Variants in TMPRSS2 observed in about 807,000 individuals in gnomAD.
TMPRSS2 encodes the protein transmembrane serine protease 2.
In TMPRSS2, 59 loss-of-function variants were observed where a neutral mutation model predicts 67.4. The ratio of observed to expected loss-of-function variants is 0.88; its 90% CI spans 0.71 to 1.09. The LOEUF is 1.09. TMPRSS2 is among the 50% of genes least tolerant of loss of function. The pLI, the probability that TMPRSS2 is intolerant of heterozygous loss-of-function variation, is 0.00. For synonymous variants in TMPRSS2, 257 were observed against 257.0 expected (o/e 1.00, Z 0.00); for missense variants, 668 against 642.7 (o/e 1.04, Z -0.43).
intron 11 of TMPRSS2, among the ~76,000 whole-genome samples, chr21:41,469,205 A>C (rs2091110507): frequency 6.6e-6 from 1 of 152,080 alleles, no homozygotes. Flanking sequence ...CAGAGTGGAA[A>C]GCCATCGTCC....
intron 7 of TMPRSS2, among the ~76,000 whole-genome samples, chr21:41,477,466 G>GA (rs1335042820): frequency 1.3e-5 from 2 of 151,714 alleles, no homozygotes; most frequent in African/African-American, 4.8e-5. Flanking sequence ...CCTCCTCCTA[G>GA]AAAAAAAATA....
intron 1 of TMPRSS2, chr21:41,507,850 C>T (rs2146520557): frequency 1.5e-6 from 2 of 1,339,370 alleles, no homozygotes; most frequent in Non-Finnish European, 2.0e-6. Context: ...CGAGGGCTCT[C>T]GGCCGTGCGC....
At chr21:41,480,870 T>G (rs370654859) in intron 5 of TMPRSS2, among the ~76,000 whole-genome samples, 4 of 152,282 alleles carry the variant, frequency 2.6e-5, no homozygotes, top group Admixed American at 2.6e-4. Flanking sequence ...ACTCCTGACC[T>G]CAGGTGATCC....
At chr21:41,485,717 ACTCAAT>A (rs890139381) in intron 5 of TMPRSS2, among the ~76,000 whole-genome samples, 1 of 152,074 alleles carries the variant, frequency 6.6e-6, no homozygotes, top group Non-Finnish European at 1.5e-5. Context: ...ACCTCACGCT[ACTCAAT>A]CTCAAAAACT....
In TMPRSS2 at chr21:41,471,997, G is replaced by C; in HGVS notation, c.900-16C>G. ...GTTAAGAGGTCTGGGAGAGAAGAAG[G>C]ACTCAGTATCTCAGAGCCATAAACA... On this transcript the variant is annotated splice_polypyrimidine_tract_variant and intron_variant, in intron 9 of 13. Transcript: ENST00000332149. 2 of 1,580,470 alleles carry C rather than the reference G, an allele frequency of 1.3e-6. No individual in the cohort carries two copies. The highest frequency in any genetic ancestry group is 1.7e-6 in the Non-Finnish European group (2 of 1,158,786).
chr21:41,493,396 G>A (rs1168109189), intron 3 of TMPRSS2, among the ~76,000 whole-genome samples: 2 of 152,008 alleles, frequency 1.3e-5, no homozygotes, highest in Admixed American at 6.5e-5. Context: ...ACGCAGGAGC[G>A]GCAGCACTTG....
rs1601582681 is a variant in TMPRSS2, at chr21:41,489,592, C to T, written c.240G>A (p.Lys80=). The T allele has an allele frequency of 1.2e-6, 2 of 1,613,636 alleles. No individual in the cohort carries two copies. The highest frequency in any genetic ancestry group is 8.5e-7 in the Non-Finnish European group (1 of 1,179,702). Residue 80 remains lysine (K), a splice_region_variant and synonymous_variant, in exon 4 of 14, where the codon AAG becomes AAA. Coordinates refer to ENST00000332149, the MANE Select transcript of TMPRSS2 (RefSeq NM_005656.4). ...KSPSGTVCTS[K]TKKALCITLT... is the part of the protein sequence containing the mutation. ...AGGTGATGCACAGTGCTTTCTTAGT[C>T]TCTGGAAGAAGGAGGAGAGTGCAAC... is the stretch of plus-strand genomic sequence containing the variant.
rs1354405280 is a variant in TMPRSS2, at chr21:41,467,745, G to A, written c.1456C>T (p.Arg486Ter). ...GACAGGATAGTTACCCTCATTTGTCGATAAATCCAGTCCGTGAATACCATC... is the reference window on the plus strand; with the variant it reads ...GACAGGATAGTTACCCTCATTTGTCAATAAATCCAGTCCGTGAATACCATC... ...NVMVFTDWIYRQMRADG is the reference protein window; with the variant it reads ...NVMVFTDWIY Residue 486 changes from arginine (R) to a stop codon, truncating the protein, a stop_gained, in exon 13 of 14, where the codon CGA becomes TGA. Transcript: ENST00000332149. LOFTEE classifies it high-confidence loss of function. The A allele has an allele frequency of 2.5e-6, 4 of 1,614,118 alleles. No individual in the cohort carries two copies. Among genetic ancestry groups the A allele is most frequent in the East Asian group, 2.2e-5 (1 of 44,892 alleles).
At chr21:41,479,327 A>G (rs781385390) in intron 6 of TMPRSS2, 45 bp from the exon 7 acceptor site, 1 of 1,436,536 alleles carries the variant, frequency 7.0e-7, no homozygotes, top group Admixed American at 1.7e-5. Flanking sequence ...AGGCATAAGC[A>G]AACACAAATC....
Position 41,508,075 on chromosome 21 carries a change from G to A in TMPRSS2, c.-57+6C>T, listed in dbSNP as rs996236988. On this transcript the variant is annotated splice_donor_region_variant and intron_variant, in intron 1 of 13. Transcript: ENST00000332149. ...GAGCCGGGACCCTGGTACCGGCGCC[G>A]CTCACCTGCCGCGCTCCAGGCGGCG... 7.9e-7 allele frequency: 1 copy of A among 1,270,604 alleles called. No homozygotes were observed. The highest frequency in any genetic ancestry group is 1.0e-6 in the Non-Finnish European group (1 of 1,000,798). The allele number at this position is 1,270,604 out of a possible 1,614,324, so 78.7% of individuals were successfully genotyped here. A position where few individuals can be genotyped will look rare whatever the true frequency, so the allele number is the denominator to read the frequency against.
rs374548821 is a variant in TMPRSS2, at chr21:41,467,937, C to T, written c.1315-51G>A. The T allele has an allele frequency of 1.6e-5, 26 of 1,608,936 alleles. No individual in the cohort carries two copies. In the East Asian group the frequency reaches 2.2e-4, roughly 14 times the overall value. On this transcript the variant is annotated intron_variant, in intron 12 of 13. Coordinates refer to ENST00000332149, the MANE Select transcript of TMPRSS2 (RefSeq NM_005656.4). The stretch of plus-strand genomic sequence containing the variant: ...AGCAGAAAATCAAGTCACAATCTGC[C>T]GCACACCACTGACCAGGCCTAGAGG...
intron 1 of TMPRSS2, among the ~76,000 whole-genome samples, chr21:41,501,678 G>A (rs9980693): frequency 0.12 from 18,275 of 151,236 alleles, 1,428 homozygotes; most frequent in Non-Finnish European, 0.17. Context: ...AAAACAAGGG[G>A]GGGAATGTCC....
At chr21:41,476,782 G>C (rs1349256490) in intron 7 of TMPRSS2, among the ~76,000 whole-genome samples, 162 bp from the exon 8 acceptor site, 4 of 152,156 alleles carry the variant, frequency 2.6e-5, no homozygotes, top group African/African-American at 7.2e-5. Context: ...AATCCATATA[G>C]GGACAGTGGC....
chr21:41,476,188 G>C (rs2298662), intron 8 of TMPRSS2, among the ~76,000 whole-genome samples: 145,526 of 152,308 alleles, frequency 0.96, 70,097 homozygotes, highest in African/African-American at 0.99. Context: ...GTGGCCACAC[G>C]GTGGTGCTGG....
chr21:41,502,357 T>C, intron 1 of TMPRSS2: 2 of 983,910 alleles, frequency 2.0e-6, no homozygotes, highest in Non-Finnish European at 2.4e-6. Flanking sequence ...TTCTCTGCAA[T>C]GAAGTCTCCA....
chr21:41,465,832 C>T lies in TMPRSS2; in HGVS notation c.*310G>A, dbSNP rs2091078829. 1.2e-5 allele frequency: 5 copies of T among 414,036 alleles called. No individual in the cohort carries two copies. The highest frequency in any genetic ancestry group is 4.3e-6 in the Non-Finnish European group (1 of 232,108). 25.6% of individuals were successfully genotyped at this position (414,036 alleles called of 1,614,324 possible). A position where few individuals can be genotyped will look rare whatever the true frequency, so the allele number is the denominator to read the frequency against. On this transcript the variant is annotated 3_prime_UTR_variant, in exon 14 of 14. Transcript: ENST00000332149. Reference sequence around the variant, plus strand: ...AGCTCCATGCTCATCCAAAATTGGCCCCTGGAAAGGACTCAGCAGGAAGAT... The same window carrying T: ...AGCTCCATGCTCATCCAAAATTGGCTCCTGGAAAGGACTCAGCAGGAAGAT...
intron 10 of TMPRSS2, 135 bp from the exon 11 acceptor site, chr21:41,470,878 A>T (rs926893080): frequency 7.9e-5 from 47 of 592,082 alleles, no homozygotes; most frequent in South Asian, 5.4e-4. Flanking sequence ...AACAAGTCCC[A>T]CATTCTCACT....
chr21:41,467,938 GCA>G, intron 12 of TMPRSS2, 52 bp from the exon 13 acceptor site: 2 of 1,606,466 alleles, frequency 1.2e-6, no homozygotes, highest in South Asian at 2.2e-5. Context: ...ACAATCTGCC[GCA>G]CACCACTGAC....
chr21:41,466,066 TA>T lies in TMPRSS2; in HGVS notation c.*75del, dbSNP rs2146416082. 6.5e-7 allele frequency: 1 copy of T among 1,541,434 alleles called. No homozygotes were observed. The highest frequency in any genetic ancestry group is 1.7e-5 in the Admixed American group (1 of 57,676). ...GTGACCTCTGAATCATCTCTAAGAG[TA>T]AATCATGCACGGGGAAGCAAAACCA... On this transcript the variant is annotated 3_prime_UTR_variant, in exon 14 of 14. Coordinates refer to ENST00000332149, the MANE Select transcript of TMPRSS2 (RefSeq NM_005656.4).
Sources: allele counts gnomAD v4.1 joint callset (sites outside exome capture counted in the v4.1 genomes callset), GRCh38; gene constraint gnomAD v4.1.1; transcripts MANE v1.5; gene names NCBI Gene and HGNC (gene_info 2026-07-23, HGNC 2026-07-21).